Variants in ABCG1 observed in about 807,000 individuals in gnomAD.
ABCG1 encodes the protein ATP binding cassette subfamily G member 1, also known as ATP-binding cassette sub-family G member 1.
In ABCG1, 29 loss-of-function variants were observed where a neutral mutation model predicts 69.2. The ratio of observed to expected loss-of-function variants is 0.42; its 90% CI spans 0.31 to 0.57. The LOEUF is 0.57. ABCG1 is among the 20% of genes least tolerant of loss of function. The pLI is 0.15. For missense variants in ABCG1, 718 were observed against 898.1 expected, an observed-to-expected ratio of 0.80 and a Z score of 2.56; for synonymous variants, 370 against 374.8, an observed-to-expected ratio of 0.99 and a Z score of 0.15.
chr21:42,267,220 G>A (rs2068520738), intron 2 of ABCG1, among the ~76,000 whole-genome samples: 1 of 152,206 alleles, frequency 6.6e-6, no homozygotes, highest in South Asian at 2.1e-4. Flanking sequence ...CGCGGGTTCT[G>A]GTCTGCAGTT....
At chr21:42,205,624 A>C (rs1255396289) in intron 2 of ABCG1, among the ~76,000 whole-genome samples, 1 of 151,776 alleles carries the variant, frequency 6.6e-6, no homozygotes, top group East Asian at 1.9e-4. Context: ...AGAAAGAAAA[A>C]CAATTTATTG....
At chr21:42,222,725 A>G (rs2067749581) in intron 1 of ABCG1, among the ~76,000 whole-genome samples, 1 of 152,222 alleles carries the variant, frequency 6.6e-6, no homozygotes, top group Non-Finnish European at 1.5e-5. Context: ...GGCATAAACT[A>G]TATAGGTTAG....
intron 2 of ABCG1, among the ~76,000 whole-genome samples, chr21:42,245,718 A>T (rs776469691): frequency 2.6e-5 from 4 of 152,258 alleles, no homozygotes; most frequent in Non-Finnish European, 5.9e-5. Flanking sequence ...TAAGACCAGG[A>T]GAACTGGGGC....
Position 42,290,233 on chromosome 21 carries a change from G to T in ABCG1, c.1393+15G>T. 1 of 1,607,542 alleles carries T rather than the reference G, an allele frequency of 6.2e-7. No individual in the cohort carries two copies. The highest frequency in any genetic ancestry group is 8.5e-7 in the Non-Finnish European group (1 of 1,174,826). On this transcript the variant is annotated intron_variant, in intron 11 of 14. Coordinates refer to ENST00000398449, the MANE Select transcript of ABCG1 (RefSeq NM_016818.3). Reference sequence around the variant, plus strand: ...TGTTCTGACATGTGAGTGACAGACCGCTGACCCCTTCTTCCTTATTTTCAA... The same window carrying T: ...TGTTCTGACATGTGAGTGACAGACCTCTGACCCCTTCTTCCTTATTTTCAA...
intron 2 of ABCG1, among the ~76,000 whole-genome samples, chr21:42,262,098 T>C (rs2123694338): frequency 6.6e-6 from 1 of 152,254 alleles, no homozygotes; most frequent in Non-Finnish European, 1.5e-5. Context: ...GGGGGGTTAA[T>C]GGTTCCCAAG....
intron 1 of ABCG1, among the ~76,000 whole-genome samples, chr21:42,222,999 G>C (rs553449194): frequency 3.5e-4 from 54 of 152,210 alleles, no homozygotes; most frequent in African/African-American, 1.3e-3. Context: ...CTGCAGTTCT[G>C]GTCCTGTTAT....
chr21:42,207,465 T>C (rs2067552072), intron 2 of ABCG1, among the ~76,000 whole-genome samples: 1 of 152,276 alleles, frequency 6.6e-6, no homozygotes, highest in East Asian at 1.9e-4. Flanking sequence ...ACTTTCTATT[T>C]TATTTTTTCA....
intron 5 of ABCG1, 74 bp from the exon 6 acceptor site, chr21:42,282,200 C>A: frequency 6.4e-7 from 1 of 1,554,002 alleles, no homozygotes; most frequent in Non-Finnish European, 8.7e-7. Context: ...GCTGGCAGGT[C>A]TTCCTGCATG....
At chr21:42,270,717 C>T (rs1050973008) in intron 2 of ABCG1, among the ~76,000 whole-genome samples, 4 of 152,070 alleles carry the variant, frequency 2.6e-5, no homozygotes, top group Admixed American at 2.6e-4. Flanking sequence ...CCATACTGGC[C>T]GAGGGCTTGG....
chr21:42,253,731 AC>A (rs1489385795), intron 2 of ABCG1, among the ~76,000 whole-genome samples: 1 of 151,858 alleles, frequency 6.6e-6, no homozygotes, highest in Non-Finnish European at 1.5e-5. Context: ...GCATCAGGGG[AC>A]CCTCTGTAGG....
At chr21:42,223,675 A>G (rs1183452363) in intron 1 of ABCG1, among the ~76,000 whole-genome samples, 1 of 152,188 alleles carries the variant, frequency 6.6e-6, no homozygotes, top group Non-Finnish European at 1.5e-5. Flanking sequence ...GTCAGGGGCC[A>G]TGTCTGCCTG....
intron 2 of ABCG1, among the ~76,000 whole-genome samples, chr21:42,270,562 C>A (rs1257354260): frequency 6.6e-6 from 1 of 151,886 alleles, no homozygotes; most frequent in Non-Finnish European, 1.5e-5. Flanking sequence ...ATCATATATA[C>A]ATAATTTATA....
In ABCG1 at chr21:42,291,962, A is replaced by G. The variant is rs2069070961; in HGVS notation, c.1653+306A>G. Among the ~76,000 whole-genome samples the G allele has an allele frequency of 6.6e-6, 1 of 152,116 alleles. No homozygotes were observed. The highest frequency in any genetic ancestry group is 6.5e-5 in the Admixed American group (1 of 15,282). ...AGGTGCTGTGCTGGCCCCATTTTAC[A>G]TAGGGGAGCACTGAGGCCCAGAGAG... On this transcript the variant is annotated intron_variant, in intron 13 of 14. Transcript: ENST00000398449. This position sits in a 1 kb window ranked among gnomAD's most constrained non-coding sequence, Gnocchi z 6.4.
At position 42,288,102 on chromosome 21, in the gene ABCG1, G is replaced by A; in HGVS notation, c.1122+65G>A. ...ATGCAAATCCCGAAGCCCCCTGGGG[G>A]AGGCTGCACGTGGCACCGTGCACTG... On this transcript the variant is annotated intron_variant, in intron 9 of 14. Transcript: ENST00000398449. This position sits in a 1 kb window ranked among gnomAD's most constrained non-coding sequence, Gnocchi z 4.8. 6.2e-7 allele frequency: 1 copy of A among 1,607,004 alleles called. No individual in the cohort carries two copies. The highest frequency in any genetic ancestry group is 8.5e-7 in the Non-Finnish European group (1 of 1,174,202).
Position 42,296,212 on chromosome 21 carries a change from A to T in ABCG1, c.1821A>T (p.Glu607Asp). 2.5e-6 allele frequency: 4 copies of T among 1,614,146 alleles called. No homozygotes were observed. The highest frequency in any genetic ancestry group is 3.4e-6 in the Non-Finnish European group (4 of 1,180,020). The change falls in exon 15 of 15, where the codon GAA becomes GAT. Residue 607 changes from glutamate to aspartate, a missense_variant. Physicochemically the swap from Glu to Asp is conservative, Grantham distance 45. Around this residue, in one of 2 missense-constraint regions of ABCG1, gnomAD observed 204 missense variants for 323.8 expected, o/e 0.63. Coordinates refer to ENST00000398449, the MANE Select transcript of ABCG1 (RefSeq NM_016818.3). The surrounding 1 kb of genome is among the most constrained non-coding windows in gnomAD (Gnocchi z 5.4). Reference protein sequence around the residue: ...VILSIYGLDREDLHCDIDETC... With the variant: ...VILSIYGLDRDDLHCDIDETC... ...TCTCCATCTATGGCTTAGACCGGGA[A>T]GATCTGCACTGTGACATCGACGAGA... is the stretch of plus-strand genomic sequence containing the variant.
At position 42,219,998 on chromosome 21, in the gene ABCG1, G is replaced by A; in HGVS notation, c.42+694G>A. On this transcript the variant is annotated intron_variant, in intron 1 of 14. Coordinates refer to ENST00000398449, the MANE Select transcript of ABCG1 (RefSeq NM_016818.3). This position sits in a 1 kb window ranked among gnomAD's most constrained non-coding sequence, Gnocchi z 5.3. Reference sequence around the variant, plus strand: ...TGCGCATTTCACTTCCCCGAGCTCCGGAGAGGGATGGCGGGGTGTCGGCGA... The same window carrying A: ...TGCGCATTTCACTTCCCCGAGCTCCAGAGAGGGATGGCGGGGTGTCGGCGA... The A allele has an allele frequency of 1.9e-6, 3 of 1,553,508 alleles. No homozygotes were observed. The highest frequency in any genetic ancestry group is 1.2e-5 in the South Asian group (1 of 84,172).
At chr21:42,228,923 C>T (rs1007774723) in intron 2 of ABCG1, among the ~76,000 whole-genome samples, 3 of 152,258 alleles carry the variant, frequency 2.0e-5, no homozygotes, top group Admixed American at 6.5e-5. Context: ...AATAACAGTG[C>T]GCATTAAATG....
chr21:42,262,162 G>A (rs758330129), intron 2 of ABCG1, among the ~76,000 whole-genome samples: 1 of 152,120 alleles, frequency 6.6e-6, no homozygotes, highest in Non-Finnish European at 1.5e-5. Flanking sequence ...TTTCTCACAC[G>A]AAGCCTTAGG....
intron 2 of ABCG1, chr21:42,259,388 C>T (rs1224334504): frequency 2.0e-5 from 31 of 1,550,264 alleles, no homozygotes; most frequent in Admixed American, 2.0e-4. Flanking sequence ...TGACAGACTG[C>T]GTGTCCTGCA....
Sources: gnomAD v4.1 joint callset for allele counts (sites outside exome capture counted in the v4.1 genomes callset) on GRCh38, gnomAD v4.1.1 for gene constraint, gnomAD v4.1.1 regional missense constraint, Gnocchi (gnomAD v3.1) non-coding constraint, MANE v1.5 for transcripts, NCBI Gene and HGNC (gene_info 2026-07-23, HGNC 2026-07-21) for gene names.